Variants in DISC1 observed in about 807,000 individuals in gnomAD.
The protein encoded by DISC1 is DISC1 scaffold protein, also known as disrupted in schizophrenia 1 protein.
DISC1 carries 57 observed loss-of-function variants against 84.5 expected under a neutral mutation model. The ratio of observed to expected loss-of-function variants is 0.67; its 90% CI spans 0.55 to 0.84. DISC1 has a LOEUF of 0.84. Among genes scored for constraint, DISC1 ranks in the 40% least tolerant of loss-of-function variants. DISC1 has a pLI of 0.00. For synonymous variants in DISC1, 411 were observed against 415.2 expected (o/e 0.99, Z 0.12); for missense variants, 1,000 against 1,057.8 (o/e 0.95, Z 0.76).
chr1:231,667,386 CCTGTTCCTGATAAG>C (rs2062119198), intron 1 of DISC1, among the ~76,000 whole-genome samples: 1 of 152,180 alleles, frequency 6.6e-6, no homozygotes, highest in Non-Finnish European at 1.5e-5. Context: ...CCTGAGCCCT[CCTGTTCCTGATAAG>C]CTGCAGGGCA....
At chr1:231,818,668 T>C in intron 9 of DISC1, 151 bp downstream of exon 9, 1 of 1,449,464 alleles carries the variant, frequency 6.9e-7, no homozygotes, top group Non-Finnish European at 9.1e-7. Flanking sequence ...TTTTGGCAGG[T>C]GCCTTGGCAA....
chr1:231,880,721 G>A (rs2125982119), intron 9 of DISC1, among the ~76,000 whole-genome samples: 1 of 148,750 alleles, frequency 6.7e-6, no homozygotes, highest in Admixed American at 6.8e-5. Flanking sequence ...TTCTGGGTTG[G>A]AGTTTTTAAG....
At chr1:232,011,021 T>C (rs1667975033) in intron 11 of DISC1, among the ~76,000 whole-genome samples, 13 of 152,074 alleles carry the variant, frequency 8.5e-5, no homozygotes, top group Admixed American at 8.5e-4. Flanking sequence ...CAAGGTGCCA[T>C]ATTTTGGGGT....
intron 1 of DISC1, among the ~76,000 whole-genome samples, chr1:231,658,959 T>G (rs1424131597): frequency 6.6e-6 from 1 of 152,166 alleles, no homozygotes; most frequent in East Asian, 1.9e-4. Flanking sequence ...GTTGTATCTC[T>G]GCCAGGTTTT....
At chr1:231,696,482 A>G (rs1167270748) in intron 2 of DISC1, among the ~76,000 whole-genome samples, 1 of 152,220 alleles carries the variant, frequency 6.6e-6, no homozygotes. Context: ...CTCAAATGGT[A>G]GAATCTGGAC....
At chr1:231,823,490 C>T (rs1005353133) in intron 9 of DISC1, among the ~76,000 whole-genome samples, 1 of 152,212 alleles carries the variant, frequency 6.6e-6, no homozygotes, top group Non-Finnish European at 1.5e-5. Context: ...CATCATCCTT[C>T]TTCCTCAAAA....
chr1:231,690,356 T>C (rs976423712), intron 1 of DISC1, among the ~76,000 whole-genome samples: 2 of 152,204 alleles, frequency 1.3e-5, no homozygotes, highest in Admixed American at 6.5e-5. Context: ...CGTTCGTTCC[T>C]GGACTAGATG....
chr1:231,816,681 T>C (rs933551437), intron 8 of DISC1, among the ~76,000 whole-genome samples: 2 of 152,206 alleles, frequency 1.3e-5, no homozygotes, highest in African/African-American at 2.4e-5. Flanking sequence ...TTTTCCTCAT[T>C]GACTTGCTTT....
intron 9 of DISC1, among the ~76,000 whole-genome samples, chr1:231,944,222 C>G (rs548757436): frequency 3.3e-5 from 5 of 152,310 alleles, no homozygotes; most frequent in African/African-American, 1.2e-4. Flanking sequence ...GACACTCCAG[C>G]ATGTGTGTCT....
intron 6 of DISC1, among the ~76,000 whole-genome samples, chr1:231,774,096 T>TA (rs558487129): frequency 1.5e-3 from 221 of 151,370 alleles, no homozygotes; most frequent in African/African-American, 4.7e-3. Flanking sequence ...AAAATAAAAA[T>TA]AAAAAAAATT....
At chr1:231,931,834 T>A (rs1403642904) in intron 9 of DISC1, among the ~76,000 whole-genome samples, 1 of 152,042 alleles carries the variant, frequency 6.6e-6, no homozygotes, top group Non-Finnish European at 1.5e-5. Context: ...ATTTTTTTTT[T>A]ATAGACAAGG....
At position 231,879,807 on chromosome 1, in the gene DISC1, G is replaced by C. The variant is rs74144167; in HGVS notation, c.1981+61290G>C. 6.2e-3 allele frequency among the ~76,000 whole-genome samples: 949 copies of C among 152,308 alleles called. 5 individuals are homozygous for C. Among genetic ancestry groups the C allele is most frequent in the African/African-American group, 0.022 (895 of 41,558 alleles). On this transcript the variant is annotated intron_variant, in intron 9 of 12. Transcript: ENST00000439617. ...ACTCTGGAGATGGATCAGAGATGGG[G>C]AGGTGTGGATCATAATTCTAGTGCA...
intron 9 of DISC1, among the ~76,000 whole-genome samples, chr1:231,905,953 T>C (rs1043853630): frequency 2.0e-5 from 3 of 151,990 alleles, no homozygotes; most frequent in Non-Finnish European, 2.9e-5. Context: ...AGAAAGTTCT[T>C]TGTACTATAT....
At chr1:231,681,700 T>A (rs989770944) in intron 1 of DISC1, among the ~76,000 whole-genome samples, 2 of 152,088 alleles carry the variant, frequency 1.3e-5, no homozygotes, top group African/African-American at 2.4e-5. Flanking sequence ...CATAGACATT[T>A]ATTTTTTTTT....
intron 1 of DISC1, among the ~76,000 whole-genome samples, chr1:231,690,321 G>A (rs778267820): frequency 9.2e-5 from 14 of 152,202 alleles, no homozygotes; most frequent in Non-Finnish European, 1.8e-4. Context: ...AGAAAGCTGC[G>A]CCAGGCTCCC....
chr1:232,017,925 C>G (rs1668628618), intron 11 of DISC1, among the ~76,000 whole-genome samples: 1 of 152,222 alleles, frequency 6.6e-6, no homozygotes, highest in South Asian at 2.1e-4. Context: ...CTCTTGACAG[C>G]ATTTTAAGAA....
intron 1 of DISC1, among the ~76,000 whole-genome samples, chr1:231,669,065 T>C (rs2062310233): frequency 6.6e-6 from 1 of 152,208 alleles, no homozygotes; most frequent in Non-Finnish European, 1.5e-5. Context: ...TTCATCATTT[T>C]TATAGAAGGA....
At chr1:231,665,496 C>T (rs532209876) in intron 1 of DISC1, among the ~76,000 whole-genome samples, 1 of 152,354 alleles carries the variant, frequency 6.6e-6, no homozygotes, top group South Asian at 2.1e-4. Context: ...CCATTTCGGA[C>T]AGATGATTCA....
intron 9 of DISC1, among the ~76,000 whole-genome samples, chr1:231,908,201 TG>T (rs1341363012): frequency 6.6e-6 from 1 of 152,262 alleles, no homozygotes; most frequent in African/African-American, 2.4e-5. Context: ...TTGTCAACTT[TG>T]GCTTTTGTTG....
Sources: gnomAD v4.1 joint callset for allele counts (sites outside exome capture counted in the v4.1 genomes callset) on GRCh38, gnomAD v4.1.1 for gene constraint, MANE v1.5 for transcripts, NCBI Gene and HGNC (gene_info 2026-07-23, HGNC 2026-07-21) for gene names.